Variants in FGGY observed in about 807,000 individuals in gnomAD.
The protein encoded by FGGY is FGGY carbohydrate kinase domain containing.
A neutral mutation model predicts 71.3 loss-of-function variants in FGGY; 72 were observed. That is an observed-to-expected ratio of 1.01 (90% CI 0.84 to 1.23). The LOEUF is 1.23. Ranked by LOEUF, FGGY falls within the 50% of genes most tolerant of loss-of-function variation. The pLI is 0.00. For missense variants in FGGY, 668 were observed against 682.3 expected (o/e 0.98, Z 0.23); for synonymous variants, 251 against 250.3 (o/e 1.00, Z -0.02).
intron 2 of FGGY, among the ~76,000 whole-genome samples, chr1:59,327,975 G>C (rs766227602): frequency 6.6e-6 from 1 of 152,160 alleles, no homozygotes; most frequent in East Asian, 1.9e-4. Flanking sequence ...TGTCATCCAG[G>C]CTTTGTTGTT....
chr1:59,542,445 C>CTT (rs754831417), intron 7 of FGGY, among the ~76,000 whole-genome samples: 502 of 34,254 alleles, frequency 0.015, 112 homozygotes, highest in Non-Finnish European at 0.018. Flanking sequence ...ATGTTCTTTA[C>CTT]TTTTTTTTTT....
intron 6 of FGGY, among the ~76,000 whole-genome samples, chr1:59,460,969 G>C (rs2092148642): frequency 1.3e-5 from 2 of 152,148 alleles, no homozygotes; most frequent in Admixed American, 6.5e-5. Context: ...AGAGAAACCA[G>C]AGCAGAAAAG....
intron 5 of FGGY, among the ~76,000 whole-genome samples, chr1:59,384,648 A>T (rs980259854): frequency 1.4e-4 from 22 of 152,194 alleles, no homozygotes; most frequent in African/African-American, 4.8e-4. Context: ...TTGTGGTCAG[A>T]CTGATCTGGT....
chr1:59,507,886 G>C (rs2094433228), intron 6 of FGGY, among the ~76,000 whole-genome samples: 1 of 151,896 alleles, frequency 6.6e-6, no homozygotes, highest in Non-Finnish European at 1.5e-5. Flanking sequence ...GTGCCCCTCT[G>C]GGCAATTCCT....
intron 6 of FGGY, among the ~76,000 whole-genome samples, chr1:59,489,297 T>C (rs967078573): frequency 4.6e-5 from 7 of 152,118 alleles, no homozygotes; most frequent in Non-Finnish European, 8.8e-5. Context: ...TCTACAGTGG[T>C]ATAGAATACT....
At chr1:59,483,483 T>C (rs1452635311) in intron 6 of FGGY, among the ~76,000 whole-genome samples, 1 of 152,186 alleles carries the variant, frequency 6.6e-6, no homozygotes, top group Non-Finnish European at 1.5e-5. Flanking sequence ...AATACTTCTC[T>C]AGGATTTGTG....
At chr1:59,396,367 G>A (rs564192872) in intron 5 of FGGY, among the ~76,000 whole-genome samples, 20 of 152,286 alleles carry the variant, frequency 1.3e-4, no homozygotes, top group South Asian at 4.2e-4. Flanking sequence ...GGTTTCAGGT[G>A]TGTCTGTAGC....
intron 5 of FGGY, among the ~76,000 whole-genome samples, chr1:59,380,984 G>A (rs1213268382): frequency 2.6e-5 from 4 of 152,136 alleles, no homozygotes; most frequent in Admixed American, 2.6e-4. Context: ...TGTAAGGAAG[G>A]AATCCAGTTT....
At chr1:59,660,333 C>T (rs2153957902) in intron 12 of FGGY, 40 bp downstream of exon 12, 1 of 1,523,446 alleles carries the variant, frequency 6.6e-7, no homozygotes, top group Non-Finnish European at 9.1e-7. Flanking sequence ...GACTTAGAGC[C>T]ATCAGTATAC....
At chr1:59,381,279 G>A (rs568584931) in intron 5 of FGGY, among the ~76,000 whole-genome samples, 99 of 152,188 alleles carry the variant, frequency 6.5e-4, no homozygotes, top group African/African-American at 2.2e-3. Flanking sequence ...ATGTGGGCTC[G>A]TTTTCGGTTC....
At chr1:59,505,170 C>T (rs1257380996) in intron 6 of FGGY, among the ~76,000 whole-genome samples, 2 of 152,156 alleles carry the variant, frequency 1.3e-5, no homozygotes, top group Non-Finnish European at 2.9e-5. Flanking sequence ...GTCCAAATTG[C>T]ATAGGTGTCT....
intron 8 of FGGY, among the ~76,000 whole-genome samples, chr1:59,577,274 A>G (rs989868160): frequency 6.6e-6 from 1 of 152,204 alleles, no homozygotes; most frequent in Non-Finnish European, 1.5e-5. Context: ...CCAGGTGGTT[A>G]AAGATGATTT....
chr1:59,626,360 A>G (rs1429760763), intron 10 of FGGY: 6 of 272,218 alleles, frequency 2.2e-5, no homozygotes, highest in African/African-American at 1.3e-4. Context: ...ATACTCCTTA[A>G]TAGATACAGG....
chr1:59,502,142 C>T (rs763781426), intron 6 of FGGY, among the ~76,000 whole-genome samples: 22 of 152,206 alleles, frequency 1.4e-4, no homozygotes, highest in Non-Finnish European at 3.1e-4. Context: ...GTCACAAGCC[C>T]TGTGAGTGAT....
chr1:59,515,864 C>G (rs911018088), intron 7 of FGGY, among the ~76,000 whole-genome samples: 6 of 152,080 alleles, frequency 3.9e-5, no homozygotes, highest in Non-Finnish European at 1.5e-5. Flanking sequence ...TAAAAATGGA[C>G]TAATGCAGTA....
chr1:59,400,353 T>G (rs139854803), intron 5 of FGGY, among the ~76,000 whole-genome samples: 309 of 152,314 alleles, frequency 2.0e-3, no homozygotes, highest in Non-Finnish European at 3.6e-3. Flanking sequence ...CACCAGTGAT[T>G]GCTTATTGTG....
intron 14 of FGGY, among the ~76,000 whole-genome samples, chr1:59,711,573 C>T (rs2097794560): frequency 6.6e-6 from 1 of 152,198 alleles, no homozygotes; most frequent in African/African-American, 2.4e-5. Context: ...CTAATAAAGA[C>T]ATACCCGAGA....
In FGGY at chr1:59,660,262, T is replaced by C. The variant is rs1265768656; in HGVS notation, c.1265T>C (p.Ile422Thr). 1.2e-6 allele frequency: 2 copies of C among 1,613,510 alleles called. No individual in the cohort carries two copies. The highest frequency in any genetic ancestry group is 1.7e-6 in the Non-Finnish European group (2 of 1,179,996). ...KLSQDLDDLAILYLATVQAIA... is the reference protein window; with the variant it reads ...KLSQDLDDLATLYLATVQAIA... ...TCTCAGGACCTTGATGATCTTGCCATTCTCTACCTGGCCACAGTTCAAGCC... is the reference window on the plus strand; with the variant it reads ...TCTCAGGACCTTGATGATCTTGCCACTCTCTACCTGGCCACAGTTCAAGCC... The change falls in exon 12 of 16, where the codon ATT becomes ACT. Residue 422 changes from isoleucine (I) to threonine (T), a missense_variant. By Grantham distance (89) the Ile-to-Thr change is moderately conservative. Around this residue, in one of 2 missense-constraint regions of FGGY, gnomAD observed 661 missense variants for 661.6 expected, o/e 1.00. Transcript: ENST00000303721.
intron 14 of FGGY, among the ~76,000 whole-genome samples, chr1:59,732,355 A>AC (rs990668621): frequency 2.0e-5 from 3 of 151,866 alleles, no homozygotes. Flanking sequence ...TCTGTTTACC[A>AC]CCCCCCTTCC....
Sources: allele counts gnomAD v4.1 joint callset (sites outside exome capture counted in the v4.1 genomes callset), GRCh38; gene constraint gnomAD v4.1.1; regional missense constraint gnomAD v4.1.1; transcripts MANE v1.5; gene names NCBI Gene and HGNC (gene_info 2026-07-23, HGNC 2026-07-21).